The following CDKL2 variants were observed in gnomAD, a reference collection of about 807,000 sequenced individuals.
CDKL2 encodes the protein cyclin-dependent kinase-like 2.
CDKL2 carries 64 observed loss-of-function variants against 63.9 expected under a neutral mutation model. The observed-to-expected ratio is 1.00, with a 90% CI of 0.82 to 1.23. The LOEUF is 1.23. CDKL2 is among the 50% of genes most tolerant of loss of function. The pLI is 0.00. For synonymous variants in CDKL2, 211 were observed against 229.2 expected (o/e 0.92, Z 0.72); for missense variants, 656 against 668.0 (o/e 0.98, Z 0.20).
At chr4:75,612,078 C>A (rs1463071290) in intron 3 of CDKL2, among the ~76,000 whole-genome samples, 1 of 152,176 alleles carries the variant, frequency 6.6e-6, no homozygotes, top group Non-Finnish European at 1.5e-5. Flanking sequence ...CCAAGCAATT[C>A]TCTTGCCTCA....
chr4:75,613,737 C>G (rs1310183254), intron 3 of CDKL2, among the ~76,000 whole-genome samples: 1 of 152,100 alleles, frequency 6.6e-6, no homozygotes. Flanking sequence ...GTGCATTTCG[C>G]TTAGTAAATA....
rs1007638893 is a variant in CDKL2, at chr4:75,581,886, G to A, written c.1660C>T (p.Pro554Ser). The A allele has an allele frequency of 1.9e-6, 3 of 1,611,210 alleles. No individual in the cohort carries two copies. Among genetic ancestry groups the A allele is most frequent in the Non-Finnish European group, 2.5e-6 (3 of 1,177,864 alleles). The change falls in exon 13 of 14, where the codon CCC becomes TCC. Residue 554 changes from proline (P) to serine (S), a missense_variant. By Grantham distance (74) the Pro-to-Ser change is moderately conservative. Transcript: ENST00000307465. ...SITLHQVSGP[P>S]LSDDSGADLP... ...TCAGCCCCTGAATCATCTGACAGGGGAGGTCCTGATACCTATAAATTAATA... is the reference window on the plus strand; with the variant it reads ...TCAGCCCCTGAATCATCTGACAGGGAAGGTCCTGATACCTATAAATTAATA...
intron 10 of CDKL2, 100 bp downstream of exon 10, chr4:75,596,147 C>T (rs763569729): frequency 9.0e-5 from 63 of 702,124 alleles, no homozygotes; most frequent in Non-Finnish European, 1.5e-4. Flanking sequence ...TTATGTGTAT[C>T]CAAACAAAAT....
intron 1 of CDKL2, among the ~76,000 whole-genome samples, chr4:75,629,568 G>A (rs80329613): frequency 0.034 from 5,166 of 152,332 alleles, 112 homozygotes; most frequent in Non-Finnish European, 0.049. Context: ...AATGGGCAAG[G>A]TGTTATTTCT....
intron 9 of CDKL2, among the ~76,000 whole-genome samples, chr4:75,596,669 C>A (rs905993632): frequency 6.6e-6 from 1 of 152,182 alleles, no homozygotes. Context: ...TGACAACCTG[C>A]TTTCACATTA....
At chr4:75,628,357 T>C (rs983143753) in intron 1 of CDKL2, among the ~76,000 whole-genome samples, 6 of 152,110 alleles carry the variant, frequency 3.9e-5, no homozygotes, top group African/African-American at 1.4e-4. Flanking sequence ...CCTCGTGATC[T>C]GCCCGCCTCG....
chr4:75,605,416 A>T lies in CDKL2; in HGVS notation c.655+106T>A, dbSNP rs923151015. The T allele has an allele frequency of 4.1e-4, 273 of 663,456 alleles. No homozygotes were observed. In the East Asian group the frequency reaches 7.6e-3, roughly 18 times the overall value. 41.1% of individuals were successfully genotyped at this position (663,456 alleles called of 1,614,324 possible). Reference sequence around the variant, plus strand: ...TATATGCTCCCTACCTTCACTTAAAACATATATAATCTTTAATGCAACAGC... The same window carrying T: ...TATATGCTCCCTACCTTCACTTAAATCATATATAATCTTTAATGCAACAGC... On this transcript the variant is annotated intron_variant, in intron 5 of 13. Transcript: ENST00000307465.
chr4:75,597,264 G>T, intron 8 of CDKL2, 28 bp from the exon 9 acceptor site: 2 of 1,401,048 alleles, frequency 1.4e-6, no homozygotes, highest in South Asian at 1.2e-5. Flanking sequence ...TATTAATAAG[G>T]TTAATGATCT....
intron 12 of CDKL2, among the ~76,000 whole-genome samples, chr4:75,588,186 C>T (rs955040226): frequency 2.2e-4 from 33 of 151,096 alleles, no homozygotes; most frequent in African/African-American, 8.0e-4. Context: ...TGCACTCCAG[C>T]CTGGGCAACA....
At chr4:75,626,490 C>T (rs918722568) in intron 1 of CDKL2, among the ~76,000 whole-genome samples, 9 of 152,114 alleles carry the variant, frequency 5.9e-5, no homozygotes, top group East Asian at 3.9e-4. Context: ...CACGGTGAAA[C>T]CCCGTCTCTA....
Position 75,581,850 on chromosome 4 carries a change from T to C in CDKL2, c.1696A>G (p.Met566Val). Residue 566 changes from methionine (M) to valine (V), a missense_variant, in exon 13 of 14, where the codon ATG becomes GTG. Physicochemically the swap from Met to Val is conservative, Grantham distance 21. Coordinates refer to ENST00000307465, the MANE Select transcript of CDKL2 (RefSeq NM_001330724.2). ...AATGGTTCTCAGTGCTGGTGTTCCA[T>C]TTGAGGCAAATCAGCCCCTGAATCA... ...SDDSGADLPQ[M>V]EHQH 6.2e-7 allele frequency: 1 copy of C among 1,612,668 alleles called. No individual in the cohort carries two copies. Among genetic ancestry groups the C allele is most frequent in the Non-Finnish European group, 8.5e-7 (1 of 1,179,064 alleles).
At chr4:75,585,025 T>C in intron 12 of CDKL2, among the ~76,000 whole-genome samples, 1 of 152,164 alleles carries the variant, frequency 6.6e-6, no homozygotes, top group Non-Finnish European at 1.5e-5. Flanking sequence ...AAAAATCCTA[T>C]TTATATGCTG....
chr4:75,582,128 T>A (rs530974278), intron 12 of CDKL2, among the ~76,000 whole-genome samples: 2 of 152,214 alleles, frequency 1.3e-5, no homozygotes, highest in African/African-American at 2.4e-5. Context: ...TTTATGCATA[T>A]GTTAAAAGAT....
intron 3 of CDKL2, among the ~76,000 whole-genome samples, chr4:75,613,702 T>C (rs1729801354): frequency 6.6e-6 from 1 of 152,192 alleles, no homozygotes; most frequent in Admixed American, 6.5e-5. Context: ...TCTATACATT[T>C]CTCAAAATTC....
chr4:75,596,180 T>A, intron 10 of CDKL2, 67 bp downstream of exon 10: 5 of 939,882 alleles, frequency 5.3e-6, no homozygotes, highest in Non-Finnish European at 8.5e-6. Context: ...ACTATCATAT[T>A]TAATTTTAAT....
intron 12 of CDKL2, among the ~76,000 whole-genome samples, chr4:75,591,414 T>C (rs1401968224): frequency 2.0e-5 from 3 of 152,126 alleles, no homozygotes; most frequent in East Asian, 1.9e-4. Flanking sequence ...CCAGGCAACA[T>C]AGCAAGGCCT....
chr4:75,603,087 C>T (rs1176175895), intron 6 of CDKL2, among the ~76,000 whole-genome samples: 4 of 146,636 alleles, frequency 2.7e-5, no homozygotes, highest in African/African-American at 1.0e-4. Context: ...GCAAGCTCCG[C>T]TTCCCGGGTT....
intron 12 of CDKL2, among the ~76,000 whole-genome samples, chr4:75,590,883 A>G (rs1172264990): frequency 9.9e-5 from 15 of 152,242 alleles, no homozygotes; most frequent in Admixed American, 9.2e-4. Flanking sequence ...ATCTGTCTGA[A>G]GCAGTAAAAG....
chr4:75,591,137 T>C (rs1728696361), intron 12 of CDKL2, among the ~76,000 whole-genome samples: 1 of 152,184 alleles, frequency 6.6e-6, no homozygotes, highest in African/African-American at 2.4e-5. Context: ...TAATCTATTC[T>C]GGAAGAATAA....
Sources: allele counts gnomAD v4.1 joint callset (sites outside exome capture counted in the v4.1 genomes callset), GRCh38; gene constraint gnomAD v4.1.1; transcripts MANE v1.5; gene names NCBI Gene and HGNC (gene_info 2026-07-23, HGNC 2026-07-21).